The following SMIM23 variants were observed in gnomAD, a reference collection of about 807,000 sequenced individuals.
The protein encoded by SMIM23 is CTB-78H18.1.
Under a neutral mutation model 12.8 loss-of-function variants are expected in SMIM23, and 10 were observed. The observed-to-expected ratio is 0.78, with a 90% CI of 0.48 to 1.32. SMIM23 has a LOEUF of 1.32. Among genes scored for constraint, SMIM23 ranks in the 40% most tolerant of loss-of-function variants. SMIM23 has a pLI of 0.00. For missense variants in SMIM23, 184 were observed against 198.2 expected, an observed-to-expected ratio of 0.93 and a Z score of 0.43; for synonymous variants, 78 against 80.1, an observed-to-expected ratio of 0.97 and a Z score of 0.14.
chr5:171,779,809 G>GGGAGAGAGGAGAGGAA (rs1481831670), upstream of SMIM23, among the ~76,000 whole-genome samples: 7 of 152,020 alleles, frequency 4.6e-5, no homozygotes, highest in Admixed American at 4.6e-4. Flanking sequence ...CAGGGAGAGA[G>GGGAGAGAGGAGAGGAA]GGAGAGAGGA....
At chr5:171,787,144 C>G (rs1213253339) in intron 1 of SMIM23, among the ~76,000 whole-genome samples, 1 of 151,268 alleles carries the variant, frequency 6.6e-6, no homozygotes. Flanking sequence ...CTCAGCCTCC[C>G]GAGCAGCTGG....
At chr5:171,775,581 T>G in the SMIM23 span, among the ~76,000 whole-genome samples, 3 of 152,122 alleles carry the variant, frequency 2.0e-5, no homozygotes, top group Admixed American at 6.5e-5. Context: ...GACCCTGATC[T>G]CCAGGGGAGG....
chr5:171,786,121 G>T (rs549131289), intron 1 of SMIM23, 145 bp downstream of exon 1: 73 of 641,486 alleles, frequency 1.1e-4, no homozygotes, highest in Admixed American at 3.1e-4. Flanking sequence ...CAGTTTAGGG[G>T]CCTAGGCACT....
upstream of SMIM23, among the ~76,000 whole-genome samples, chr5:171,780,601 T>C (rs1755710890): frequency 6.6e-6 from 1 of 152,264 alleles, no homozygotes; most frequent in African/African-American, 2.4e-5. Flanking sequence ...AATTCATTAC[T>C]TTTGATGTGC....
intron 1 of SMIM23, among the ~76,000 whole-genome samples, chr5:171,787,132 G>C (rs1344812055): frequency 1.4e-5 from 2 of 145,050 alleles, no homozygotes; most frequent in East Asian, 4.2e-4. Flanking sequence ...TGATTCTACT[G>C]CCTCAGCCTC....
chr5:171,772,725 C>A, the SMIM23 span, among the ~76,000 whole-genome samples: 3 of 152,146 alleles, frequency 2.0e-5, no homozygotes, highest in African/African-American at 7.2e-5. Flanking sequence ...ACGACTTGAA[C>A]GTCTATGTAT....
chr5:171,775,649 A>G, the SMIM23 span, among the ~76,000 whole-genome samples: 1 of 152,138 alleles, frequency 6.6e-6, no homozygotes, highest in African/African-American at 2.4e-5. Context: ...AATGTCCCTT[A>G]GCCTCAGTTT....
At chr5:171,774,550 T>C in the SMIM23 span, 1 of 456,214 alleles carries the variant, frequency 2.2e-6, no homozygotes, top group African/African-American at 2.0e-5. Context: ...TTGAAGTTCC[T>C]TGCGGGTTTA....
chr5:171,784,214 T>C (rs1008697817), upstream of SMIM23, among the ~76,000 whole-genome samples: 1 of 152,062 alleles, frequency 6.6e-6, no homozygotes, highest in Non-Finnish European at 1.5e-5. Flanking sequence ...AATTAAAAAA[T>C]AGTGAAAACA....
the SMIM23 span, chr5:171,774,631 C>T: frequency 2.4e-6 from 1 of 411,318 alleles, no homozygotes; most frequent in Non-Finnish European, 4.8e-6. Context: ...CCAATTCCTT[C>T]ACAGGCTCCT....
At chr5:171,790,595 T>C in intron 3 of SMIM23, 46 bp downstream of exon 3, 1 of 1,515,478 alleles carries the variant, frequency 6.6e-7, no homozygotes, top group Non-Finnish European at 8.9e-7. Flanking sequence ...CTGGGAAGGC[T>C]TTCCAGAGGA....
At chr5:171,787,404 C>T (rs702075) in intron 1 of SMIM23, among the ~76,000 whole-genome samples, 3 of 152,148 alleles carry the variant, frequency 2.0e-5, no homozygotes, top group South Asian at 2.1e-4. Context: ...GGCCCCAAGA[C>T]GACACAAGGA....
At chr5:171,781,845 A>G (rs766127843), upstream of SMIM23, among the ~76,000 whole-genome samples, 6 of 152,244 alleles carry the variant, frequency 3.9e-5, no homozygotes, top group African/African-American at 7.2e-5. Context: ...AAAAGCACCA[A>G]TCAGCACTCT....
chr5:171,788,711 C>T (rs1166469902), intron 1 of SMIM23, among the ~76,000 whole-genome samples: 2 of 152,150 alleles, frequency 1.3e-5, no homozygotes, highest in Non-Finnish European at 2.9e-5. Flanking sequence ...TAAATTTTAT[C>T]AATCCTTTGA....
chr5:171,778,273 C>T (rs528688587), upstream of SMIM23, among the ~76,000 whole-genome samples: 3 of 151,858 alleles, frequency 2.0e-5, no homozygotes, highest in Admixed American at 6.6e-5. Context: ...AGGAGAATTG[C>T]TTGAACCCGG....
the SMIM23 span, among the ~76,000 whole-genome samples, chr5:171,775,182 G>A: frequency 6.6e-6 from 1 of 152,078 alleles, no homozygotes; most frequent in African/African-American, 2.4e-5. Flanking sequence ...TGTGCCCGCC[G>A]CCCCTCTAAC....
At chr5:171,789,059 C>A (rs60218700) in intron 1 of SMIM23, among the ~76,000 whole-genome samples, 2 of 152,238 alleles carry the variant, frequency 1.3e-5, no homozygotes, top group Admixed American at 1.3e-4. Flanking sequence ...AGGCTGGTTT[C>A]GAACTCTTGA....
the SMIM23 span, among the ~76,000 whole-genome samples, chr5:171,776,506 C>T: frequency 6.6e-6 from 1 of 152,128 alleles, no homozygotes; most frequent in African/African-American, 2.4e-5. Flanking sequence ...CCAGGAACAG[C>T]GAAGTCACAC....
At chr5:171,781,553 A>G (rs1344520522), upstream of SMIM23, among the ~76,000 whole-genome samples, 1 of 131,932 alleles carries the variant, frequency 7.6e-6, no homozygotes, top group African/African-American at 3.8e-5. Flanking sequence ...CCCCGTCTCT[A>G]GAGCTGTTTT....
Sources: allele counts gnomAD v4.1 joint callset (sites outside exome capture counted in the v4.1 genomes callset), GRCh38; gene constraint gnomAD v4.1.1; transcripts MANE v1.5; gene names NCBI Gene and HGNC (gene_info 2026-07-23, HGNC 2026-07-21).